The following MUSK variants were observed in gnomAD, a reference collection of about 807,000 sequenced individuals.
The protein encoded by MUSK is muscle, skeletal receptor tyrosine-protein kinase.
Under a neutral mutation model 88.7 loss-of-function variants are expected in MUSK, and 55 were observed. The ratio of observed to expected loss-of-function variants is 0.62; its 90% CI spans 0.50 to 0.78. The LOEUF is 0.78. MUSK is among the 30% of genes least tolerant of loss of function. MUSK has a pLI of 0.00. For missense variants in MUSK, 1,015 were observed against 1,074.3 expected (o/e 0.94, Z 0.77); for synonymous variants, 387 against 391.9 (o/e 0.99, Z 0.15).
chr9:110,704,668 T>G (rs2076573023), intron 5 of MUSK, among the ~76,000 whole-genome samples: 1 of 152,166 alleles, frequency 6.6e-6, no homozygotes, highest in Non-Finnish European at 1.5e-5. Context: ...ATCGAACTCT[T>G]AAGTCATCAT....
chr9:110,706,237 T>A, intron 5 of MUSK: 1 of 367,730 alleles, frequency 2.7e-6, no homozygotes, highest in South Asian at 2.1e-5. Flanking sequence ...AAATTTTCCT[T>A]CTGCTTGAGA....
chr9:110,680,688 A>G (rs969487026), intron 1 of MUSK, among the ~76,000 whole-genome samples: 2 of 151,344 alleles, frequency 1.3e-5, no homozygotes, highest in Non-Finnish European at 2.9e-5. Context: ...GCCCAGCTGT[A>G]TTTCTTTTTT....
intron 5 of MUSK, 44 bp from the exon 6 acceptor site, chr9:110,734,207 A>ATT (rs147178067): frequency 6.3e-7 from 1 of 1,577,898 alleles, no homozygotes; most frequent in East Asian, 2.3e-5. Context: ...TAGCTTGACC[A>ATT]TTTCCTGCAG....
chr9:110,739,011 A>T (rs2077062468), intron 6 of MUSK, among the ~76,000 whole-genome samples: 1 of 152,092 alleles, frequency 6.6e-6, no homozygotes, highest in Non-Finnish European at 1.5e-5. Context: ...ATCTTCTATA[A>T]AACCTTTTTA....
At chr9:110,755,045 G>A (rs1470030211) in intron 7 of MUSK, among the ~76,000 whole-genome samples, 1 of 152,132 alleles carries the variant, frequency 6.6e-6, no homozygotes, top group East Asian at 1.9e-4. Flanking sequence ...TCTACTAGAT[G>A]TTTTTCAGAA....
At chr9:110,747,532 G>A in intron 6 of MUSK, 109 bp from the exon 7 acceptor site, 1 of 1,156,612 alleles carries the variant, frequency 8.6e-7, no homozygotes, top group Non-Finnish European at 1.2e-6. Context: ...TGTTTGCAGT[G>A]TACCACATGC....
chr9:110,673,124 G>T (rs570983581), intron 1 of MUSK, among the ~76,000 whole-genome samples: 2 of 152,110 alleles, frequency 1.3e-5, no homozygotes, highest in Non-Finnish European at 2.9e-5. Flanking sequence ...AGTGAAAACC[G>T]GAAAGCAGAT....
chr9:110,788,029 T>A, intron 14 of MUSK, 191 bp downstream of exon 14: 1 of 609,938 alleles, frequency 1.6e-6, no homozygotes, highest in South Asian at 2.0e-5. Flanking sequence ...ATTATCCCTC[T>A]TTAAATTCAT....
At chr9:110,747,558 T>C in intron 6 of MUSK, 83 bp from the exon 7 acceptor site, 1 of 1,390,836 alleles carries the variant, frequency 7.2e-7, no homozygotes, top group Non-Finnish European at 9.9e-7. Context: ...ATTATAATCT[T>C]AATGCTTTTC....
Position 110,784,841 on chromosome 9 carries a change from C to G in MUSK, c.1411C>G (p.Pro471Ala). The change falls in exon 12 of 15, where the codon CCA becomes GCA. Residue 471 changes from proline (P) to alanine (A), a missense_variant. Coordinates refer to ENST00000374448, the MANE Select transcript of MUSK (RefSeq NM_005592.4). ...KTFPPMTSSK[P>A]SVDIPNLPSS... ...ATTCCCACCAATGACGTCCTCAAAG[C>G]CAAGTGTGGACATTCCAAATCTGCC... The G allele has an allele frequency of 3.1e-6, 5 of 1,612,918 alleles. No individual in the cohort carries two copies. The highest frequency in any genetic ancestry group is 4.2e-6 in the Non-Finnish European group (5 of 1,179,356).
chr9:110,675,605 T>C (rs1161818858), intron 1 of MUSK, among the ~76,000 whole-genome samples: 4 of 137,436 alleles, frequency 2.9e-5, no homozygotes, highest in South Asian at 2.5e-4. Context: ...AGTCTCACTC[T>C]GTTGCCCAGG....
intron 5 of MUSK, among the ~76,000 whole-genome samples, chr9:110,712,225 A>G (rs954933723): frequency 1.9e-4 from 28 of 150,038 alleles, no homozygotes; most frequent in African/African-American, 6.3e-4. Context: ...CTGACATTTT[A>G]TCCATTCCTA....
chr9:110,704,413 C>T (rs1434196424), intron 5 of MUSK, among the ~76,000 whole-genome samples: 2 of 152,160 alleles, frequency 1.3e-5, no homozygotes, highest in African/African-American at 4.8e-5. Context: ...GAGATAAAAG[C>T]AGAACCTACC....
chr9:110,690,150 T>TATA (rs1267086452), intron 3 of MUSK, among the ~76,000 whole-genome samples: 6 of 105,164 alleles, frequency 5.7e-5, no homozygotes, highest in South Asian at 6.5e-4. Flanking sequence ...AAATATATAT[T>TATA]TAAGTATAAA....
At chr9:110,779,901 T>C (rs538132715) in intron 11 of MUSK, among the ~76,000 whole-genome samples, 1 of 152,312 alleles carries the variant, frequency 6.6e-6, no homozygotes, top group African/African-American at 2.4e-5. Context: ...TGAAGCTCTT[T>C]ACCAATGTAA....
rs2078123241 is a variant in MUSK, at chr9:110,803,539, A to T, written c.*2551A>T. ...ATAGAAGCAATAACTGAACCTCAGT[A>T]ACTCTGTGGAAGTGATTTGTAATTT... On this transcript the variant is annotated 3_prime_UTR_variant, in exon 15 of 15. Transcript: ENST00000374448. Among the ~76,000 whole-genome samples the T allele has an allele frequency of 6.6e-6, 1 of 152,222 alleles. No individual in the cohort carries two copies. The highest frequency in any genetic ancestry group is 1.5e-5 in the Non-Finnish European group (1 of 68,048).
At chr9:110,780,528 A>G (rs1015599154) in intron 11 of MUSK, among the ~76,000 whole-genome samples, 11 of 152,244 alleles carry the variant, frequency 7.2e-5, no homozygotes, top group Non-Finnish European at 1.6e-4. Context: ...GTATTTCCTT[A>G]GAAGGGAAAG....
At position 110,755,939 on chromosome 9, in the gene MUSK, T is replaced by TATATATATATACACATATATATATAC. The variant is rs1239460687; in HGVS notation, c.914-6251_914-6226dup. 2.5e-4 allele frequency among the ~76,000 whole-genome samples: 18 copies of TATATATATATACACATATATATATAC among 71,198 alleles called. 1 individual carries two copies. The highest frequency in any genetic ancestry group is 4.7e-4 in the Non-Finnish European group (17 of 35,920). The allele number at this position is 71,198 out of a possible 152,430, so 46.7% of individuals were successfully genotyped here. A position where few individuals can be genotyped will look rare whatever the true frequency, so the allele number is the denominator to read the frequency against. On this transcript the variant is annotated intron_variant, in intron 7 of 14. Coordinates refer to ENST00000374448, the MANE Select transcript of MUSK (RefSeq NM_005592.4). ...CCAGTGCCATATATATATACATATA[T>TATATATATATACACATATATATATAC]ATATATATATACACATATATATATA...
chr9:110,689,718 T>TAGTTATATATAAATATATAATTATATATA (rs370720549), intron 3 of MUSK, among the ~76,000 whole-genome samples: 3 of 51,658 alleles, frequency 5.8e-5, no homozygotes, highest in Non-Finnish European at 5.9e-5. Flanking sequence ...TAACTATATA[T>TAGTTATATATAAATATATAATTATATATA]GTTATATATA....
Sources: allele counts gnomAD v4.1 joint callset (sites outside exome capture counted in the v4.1 genomes callset), GRCh38; gene constraint gnomAD v4.1.1; transcripts MANE v1.5; gene names NCBI Gene and HGNC (gene_info 2026-07-23, HGNC 2026-07-21).